Variants in RPS6KA2 observed in about 807,000 individuals in gnomAD.
The protein encoded by RPS6KA2 is ribosomal protein S6 kinase A2, also known as ribosomal protein S6 kinase alpha-2.
Under a neutral mutation model 91.8 loss-of-function variants are expected in RPS6KA2, and 42 were observed. The ratio of observed to expected loss-of-function variants is 0.46; its 90% confidence interval spans 0.36 to 0.59. RPS6KA2 has a LOEUF of 0.59. Ranked by LOEUF, RPS6KA2 falls within the 20% of genes least tolerant of loss-of-function variation. The pLI, the probability that RPS6KA2 is intolerant of heterozygous loss-of-function variation, is 0.00. For missense variants in RPS6KA2, 798 were observed against 978.5 expected (o/e 0.82, Z 2.46); for synonymous variants, 414 against 393.6 (o/e 1.05, Z -0.61).
chr6:166,445,096 C>G lies in RPS6KA2; in HGVS notation c.1332+3628G>C, dbSNP rs1357974066. On this transcript the variant is annotated intron_variant, in intron 14 of 20. Coordinates refer to ENST00000265678, the MANE Select transcript of RPS6KA2 (RefSeq NM_021135.6). This position sits in a 1 kb window ranked among gnomAD's most constrained non-coding sequence, Gnocchi z 4.5. ...ACTTAAAGCAAAATATAATGATATTCTAAGAATGTGAGAAGTACTATGATT... is the reference window on the plus strand; with the variant it reads ...ACTTAAAGCAAAATATAATGATATTGTAAGAATGTGAGAAGTACTATGATT... Among the ~76,000 whole-genome samples the G allele has an allele frequency of 1.3e-5, 2 of 152,110 alleles. No individual in the cohort carries two copies. The highest frequency in any genetic ancestry group is 2.9e-5 in the Non-Finnish European group (2 of 68,036).
At chr6:166,471,376 G>A (rs913551931) in intron 10 of RPS6KA2, among the ~76,000 whole-genome samples, 68 of 152,228 alleles carry the variant, frequency 4.5e-4, no homozygotes, top group Admixed American at 2.6e-4. Context: ...AGGCTCGGGG[G>A]CTGTGGTGGC....
At position 166,510,258 on chromosome 6, in the gene RPS6KA2, T is replaced by C. The variant is rs778383186; in HGVS notation, c.379+19A>G. 16 of 1,517,672 alleles carry C rather than the reference T, an allele frequency of 1.1e-5. No homozygotes were observed. The highest frequency in any genetic ancestry group is 6.9e-5 in the Admixed American group (4 of 57,880). 94.0% of individuals were successfully genotyped at this position (1,517,672 alleles called of 1,614,324 possible). On this transcript the variant is annotated intron_variant, in intron 4 of 20. Transcript: ENST00000265678. The stretch of plus-strand genomic sequence containing the variant: ...GTTGCCCTGGGTCCTCTTTAAAGTG[T>C]CATTTTGACTCTACTTACCATAATG...
chr6:166,834,069 G>GT (rs1780254909), intron 2 of RPS6KA2, among the ~76,000 whole-genome samples: 1 of 152,062 alleles, frequency 6.6e-6, no homozygotes, highest in South Asian at 2.1e-4. Flanking sequence ...AAAGCATTGG[G>GT]TTATATGGCA....
rs535793019 is a variant in RPS6KA2, at chr6:166,580,936, C to T, written c.100-42152G>A. On this transcript the variant is annotated intron_variant, in intron 1 of 20. Coordinates refer to ENST00000265678, the MANE Select transcript of RPS6KA2 (RefSeq NM_021135.6). ...TCTTTTTTTGAGACGAAGTCTCATT[C>T]TGTTGCCCAGGCTGGAATGCAGTGG... Among the ~76,000 whole-genome samples, 232 of 152,196 alleles carry T rather than the reference C, an allele frequency of 1.5e-3. 2 individuals are homozygous for T. Among genetic ancestry groups the T allele is most frequent in the Admixed American group, 2.5e-3 (38 of 15,294 alleles).
intron 5 of RPS6KA2, among the ~76,000 whole-genome samples, chr6:166,507,595 T>C (rs1407181406): frequency 4.1e-5 from 6 of 145,472 alleles, no homozygotes; most frequent in African/African-American, 7.7e-5. Context: ...ACCCTGCATA[T>C]GCACACATGC....
intron 1 of RPS6KA2, among the ~76,000 whole-genome samples, chr6:166,546,458 A>C (rs952033868): frequency 1.3e-5 from 2 of 150,754 alleles, no homozygotes; most frequent in African/African-American, 4.9e-5. Flanking sequence ...TATTTATGCT[A>C]GTGTGTCACC....
At chr6:166,614,042 C>A (rs1226355970) in intron 1 of RPS6KA2, among the ~76,000 whole-genome samples, 1 of 152,222 alleles carries the variant, frequency 6.6e-6, no homozygotes, top group Non-Finnish European at 1.5e-5. Flanking sequence ...AGGAACCAGG[C>A]TTGAGCCACA....
intron 14 of RPS6KA2, among the ~76,000 whole-genome samples, chr6:166,447,863 GC>G (rs1179860948): frequency 6.6e-6 from 1 of 152,216 alleles, no homozygotes; most frequent in East Asian, 1.9e-4. Flanking sequence ...CTGGGACCTC[GC>G]TCTGCGACAG....
intron 1 of RPS6KA2, among the ~76,000 whole-genome samples, chr6:166,552,438 G>A (rs984097691): frequency 6.6e-6 from 1 of 152,188 alleles, no homozygotes; most frequent in Non-Finnish European, 1.5e-5. Context: ...TCTGTGTGGC[G>A]AAAGATGTGG....
intron 10 of RPS6KA2, among the ~76,000 whole-genome samples, chr6:166,471,270 G>A (rs1282270513): frequency 4.6e-5 from 7 of 152,222 alleles, no homozygotes; most frequent in African/African-American, 1.2e-4. Context: ...GCAGGTCACC[G>A]GGAGTCACAG....
chr6:166,423,153 G>T lies in RPS6KA2; in HGVS notation c.1743+103C>A. The T allele has an allele frequency of 7.9e-7, 1 of 1,264,824 alleles. No individual in the cohort carries two copies. Among genetic ancestry groups the T allele is most frequent in the Non-Finnish European group, 1.1e-6 (1 of 922,606 alleles). The allele number at this position is 1,264,824 out of a possible 1,614,324, so 78.4% of individuals were successfully genotyped here. Reference sequence around the variant, plus strand: ...CAACACCACTGCTGACGCAGCTCAAGCCGCCTCTGACATCCCCGCTGTCCG... The same window carrying T: ...CAACACCACTGCTGACGCAGCTCAATCCGCCTCTGACATCCCCGCTGTCCG... On this transcript the variant is annotated intron_variant, in intron 17 of 20. Transcript: ENST00000265678. This position sits in a 1 kb window ranked among gnomAD's most constrained non-coding sequence, Gnocchi z 4.8.
At chr6:166,561,910 A>G (rs913460707) in intron 1 of RPS6KA2, among the ~76,000 whole-genome samples, 1 of 152,188 alleles carries the variant, frequency 6.6e-6, no homozygotes, top group African/African-American at 2.4e-5. Flanking sequence ...AGCGGCCACC[A>G]GAAGCCAAGG....
chr6:166,676,489 G>A (rs1307545839), intron 2 of RPS6KA2, among the ~76,000 whole-genome samples: 5 of 152,094 alleles, frequency 3.3e-5, no homozygotes, highest in Admixed American at 6.5e-5. Flanking sequence ...ACCCTCTAGC[G>A]GCTCGGCTCC....
At chr6:166,744,760 C>T (rs1024236693) in intron 2 of RPS6KA2, among the ~76,000 whole-genome samples, 1 of 152,160 alleles carries the variant, frequency 6.6e-6, no homozygotes, top group Admixed American at 6.5e-5. Flanking sequence ...AGCGGCACTC[C>T]ACGTCCCTGG....
chr6:166,860,936 G>A (rs1158472058), intron 1 of RPS6KA2, among the ~76,000 whole-genome samples: 1 of 152,176 alleles, frequency 6.6e-6, no homozygotes, highest in Non-Finnish European at 1.5e-5. Context: ...ACAGTAGGGA[G>A]CCCTGGTGTC....
intron 2 of RPS6KA2, among the ~76,000 whole-genome samples, chr6:166,745,784 C>G (rs533829555): frequency 1.3e-5 from 2 of 152,336 alleles, no homozygotes; most frequent in East Asian, 3.9e-4. Context: ...TGAGGAGACT[C>G]TCAGGCCTGC....
intron 1 of RPS6KA2, among the ~76,000 whole-genome samples, chr6:166,589,588 A>G (rs1194401029): frequency 6.6e-6 from 1 of 152,164 alleles, no homozygotes; most frequent in Non-Finnish European, 1.5e-5. Context: ...TAGGTATTTT[A>G]CCCTCATTAA....
intron 10 of RPS6KA2, among the ~76,000 whole-genome samples, chr6:166,478,671 TCC>T (rs1300314019): frequency 1.3e-5 from 2 of 152,180 alleles, no homozygotes; most frequent in Admixed American, 1.3e-4. Context: ...CTCTGTTCTG[TCC>T]CACAGCCAAG....
chr6:166,684,910 A>C, intron 2 of RPS6KA2, among the ~76,000 whole-genome samples: 1 of 152,266 alleles, frequency 6.6e-6, no homozygotes, highest in Non-Finnish European at 1.5e-5. Flanking sequence ...TCTGAAAAGC[A>C]ACAAGAAACA....
Sources: gnomAD v4.1 joint callset for allele counts (sites outside exome capture counted in the v4.1 genomes callset) on GRCh38, gnomAD v4.1.1 for gene constraint, Gnocchi (gnomAD v3.1) non-coding constraint, MANE v1.5 for transcripts, NCBI Gene and HGNC (gene_info 2026-07-23, HGNC 2026-07-21) for gene names.